The following AP3B1 variants were observed in gnomAD, a reference collection of about 807,000 sequenced individuals.
The protein encoded by AP3B1 is adaptor related protein complex 3 subunit beta 1, also known as AP-3 complex subunit beta-1.
AP3B1 carries 61 observed loss-of-function variants against 132.5 expected under a neutral mutation model. That is an observed-to-expected ratio of 0.46 (90% CI 0.37 to 0.57). AP3B1 has a LOEUF of 0.57. Among genes scored for constraint, AP3B1 ranks in the 20% least tolerant of loss-of-function variants. AP3B1 has a pLI of 0.00. For synonymous variants in AP3B1, 388 were observed against 438.3 expected (o/e 0.89, Z 1.43); for missense variants, 1,120 against 1,289.4 (o/e 0.87, Z 2.01).
chr5:78,273,868 T>C (rs1327538387), intron 1 of AP3B1, among the ~76,000 whole-genome samples: 4 of 151,730 alleles, frequency 2.6e-5, no homozygotes, highest in Non-Finnish European at 5.9e-5. Flanking sequence ...TCTATTTGCT[T>C]GGCTGGAAAA....
In AP3B1 at chr5:78,039,214, T is replaced by C. The variant is rs1265547691; in HGVS notation, c.2638A>G (p.Lys880Glu). The change falls in exon 23 of 27, where the codon AAA becomes GAA. Residue 880 changes from lysine (K) to glutamate (E), a missense_variant. Transcript: ENST00000255194. Reference sequence around the variant, plus strand: ...AAGAAATAATGGGCAGCTAGTCCTTTTCCACTCATTCGATGAAGCAGCACG... The same window carrying C: ...AAGAAATAATGGGCAGCTAGTCCTTCTCCACTCATTCGATGAAGCAGCACG... Reference protein sequence around the residue: ...THVLLHRMSGKGLAAHYFFPR... With the variant: ...THVLLHRMSGEGLAAHYFFPR... 1 of 1,614,174 alleles carries C rather than the reference T, an allele frequency of 6.2e-7. No individual in the cohort carries two copies.
rs140468737 is a variant in AP3B1 at position 78,118,155 on chromosome 5, G to C, written c.1969-1921C>G. Among the ~76,000 whole-genome samples the C allele has an allele frequency of 4.7e-3, 715 of 152,266 alleles. 4 individuals are homozygous for C. The highest frequency in any genetic ancestry group is 0.016 in the African/African-American group (666 of 41,538). ...CCTAAAATTCTGATTTAATTAGTCT[G>C]GTGCACATTTGACCTAGTTTTGTTT... On this transcript the variant is annotated intron_variant, in intron 17 of 26. Transcript: ENST00000255194.
At chr5:78,030,356 T>C (rs1009455226) in intron 24 of AP3B1, among the ~76,000 whole-genome samples, 2 of 152,192 alleles carry the variant, frequency 1.3e-5, no homozygotes, top group Admixed American at 6.5e-5. Flanking sequence ...AGTAATCCTT[T>C]CAGAAAAGAT....
chr5:78,104,958 A>G (rs1178510234), intron 20 of AP3B1, among the ~76,000 whole-genome samples: 1 of 152,210 alleles, frequency 6.6e-6, no homozygotes, highest in Non-Finnish European at 1.5e-5. Flanking sequence ...TTTTCTTCAT[A>G]GCTAGTATGT....
rs1554077324 is a variant in AP3B1 at position 78,223,027 on chromosome 5, C to CTT, written c.603+2513_603+2514dup. Reference sequence around the variant, plus strand: ...TGTTTTTTTGTTTGTTTGTTTGTTTCTTTTTTTTTTTTTGTAGAGACAAGG... The same window carrying CTT: ...TGTTTTTTTGTTTGTTTGTTTGTTTCTTTTTTTTTTTTTTTGTAGAGACAAGG... On this transcript the variant is annotated intron_variant, in intron 6 of 26. Coordinates refer to ENST00000255194, the MANE Select transcript of AP3B1 (RefSeq NM_003664.5). Among the ~76,000 whole-genome samples, 272 of 127,818 alleles carry CTT rather than the reference C, an allele frequency of 2.1e-3. 6 individuals are homozygous for CTT. Among genetic ancestry groups the CTT allele is most frequent in the Non-Finnish European group, 3.8e-3 (227 of 60,380 alleles). The allele number at this position is 127,818 out of a possible 152,430, so 83.9% of individuals were successfully genotyped here.
At chr5:78,174,986 T>G (rs1427762549) in intron 11 of AP3B1, among the ~76,000 whole-genome samples, 1 of 152,266 alleles carries the variant, frequency 6.6e-6, no homozygotes, top group Non-Finnish European at 1.5e-5. Context: ...GCTGCTGCGC[T>G]AGCAGTGAGC....
intron 14 of AP3B1, among the ~76,000 whole-genome samples, chr5:78,147,144 T>C (rs1038334405): frequency 1.3e-5 from 2 of 152,132 alleles, no homozygotes; most frequent in African/African-American, 4.8e-5. Flanking sequence ...TCTCCTCACA[T>C]TTTGAATAGA....
chr5:78,085,337 A>G (rs146358497), intron 22 of AP3B1, among the ~76,000 whole-genome samples: 3 of 152,298 alleles, frequency 2.0e-5, no homozygotes, highest in Admixed American at 6.5e-5. Context: ...ATTATCATCT[A>G]TATTTCCTCC....
chr5:78,175,136 G>A (rs927579251), intron 11 of AP3B1, among the ~76,000 whole-genome samples: 2 of 152,216 alleles, frequency 1.3e-5, no homozygotes, highest in African/African-American at 2.4e-5. Flanking sequence ...CCGGCTTCCC[G>A]TGGCTAGGAA....
intron 23 of AP3B1, 78 bp from the exon 24 acceptor site, chr5:78,034,523 A>G: frequency 2.7e-6 from 3 of 1,111,368 alleles, no homozygotes; most frequent in Admixed American, 1.7e-5. Flanking sequence ...AAATTTAGGT[A>G]ATGTTTGTAG....
At chr5:78,067,179 T>C (rs1287764025) in intron 22 of AP3B1, among the ~76,000 whole-genome samples, 2 of 152,140 alleles carry the variant, frequency 1.3e-5, no homozygotes, top group Non-Finnish European at 2.9e-5. Context: ...AAGAAGGGCA[T>C]TACATAATGG....
At chr5:78,204,152 T>C (rs562784445) in intron 7 of AP3B1, among the ~76,000 whole-genome samples, 2 of 152,304 alleles carry the variant, frequency 1.3e-5, no homozygotes, top group South Asian at 2.1e-4. Flanking sequence ...TCCTCATCGT[T>C]TTCTGCTAAA....
chr5:78,022,165 C>A (rs12654987), intron 24 of AP3B1, among the ~76,000 whole-genome samples: 4,700 of 152,146 alleles, frequency 0.031, 189 homozygotes, highest in East Asian at 0.18. Flanking sequence ...ACCAATAAAT[C>A]CAATTTATTT....
At chr5:78,224,267 T>G (rs750511398) in intron 6 of AP3B1, among the ~76,000 whole-genome samples, 1 of 152,066 alleles carries the variant, frequency 6.6e-6, no homozygotes, top group Non-Finnish European at 1.5e-5. Context: ...TAATGATTTC[T>G]GGTACACTAC....
intron 15 of AP3B1, among the ~76,000 whole-genome samples, chr5:78,139,367 C>T (rs1420115128): frequency 2.0e-5 from 3 of 152,058 alleles, no homozygotes; most frequent in Non-Finnish European, 4.4e-5. Flanking sequence ...CAGGCTAAAA[C>T]TCCCTCTATT....
chr5:78,113,712 C>T (rs1480749123), intron 19 of AP3B1, 40 bp downstream of exon 19: 1 of 1,609,096 alleles, frequency 6.2e-7, no homozygotes. Context: ...CAAACTTTCA[C>T]AGAATATTTT....
chr5:78,292,766 A>T (rs905404867), intron 1 of AP3B1, among the ~76,000 whole-genome samples: 22 of 152,062 alleles, frequency 1.4e-4, no homozygotes, highest in East Asian at 9.6e-4. Context: ...AGCTACTTTT[A>T]TTTTAAATCC....
chr5:78,110,085 G>A, intron 20 of AP3B1, 122 bp downstream of exon 20: 1 of 876,178 alleles, frequency 1.1e-6, no homozygotes, highest in South Asian at 1.6e-5. Context: ...GCAGAGTTGG[G>A]TTATAAGGGA....
At chr5:78,056,452 T>C (rs1398277441) in intron 22 of AP3B1, among the ~76,000 whole-genome samples, 1 of 152,202 alleles carries the variant, frequency 6.6e-6, no homozygotes, top group Non-Finnish European at 1.5e-5. Flanking sequence ...CAGCCCACGT[T>C]AAAACACCAA....
Sources: allele counts gnomAD v4.1 joint callset (sites outside exome capture counted in the v4.1 genomes callset), GRCh38; gene constraint gnomAD v4.1.1; transcripts MANE v1.5; gene names NCBI Gene and HGNC (gene_info 2026-07-23, HGNC 2026-07-21).